The following TMEM178A variants were observed in gnomAD, a reference collection of about 807,000 sequenced individuals.
TMEM178A encodes the protein transmembrane protein 178.
Under a neutral mutation model 29.1 loss-of-function variants are expected in TMEM178A, and 12 were observed. The observed-to-expected ratio is 0.41, with a 90% confidence interval of 0.26 to 0.67. The LOEUF is 0.67. Ranked by LOEUF, TMEM178A falls within the 30% of genes least tolerant of loss-of-function variation. The probability of loss-of-function intolerance (pLI) is 0.29; values close to 1 mark genes in which losing one functional copy is unlikely to be tolerated. For missense variants in TMEM178A, 366 were observed against 419.1 expected, an observed-to-expected ratio of 0.87 and a Z score of 1.11; for synonymous variants, 210 against 187.2, an observed-to-expected ratio of 1.12 and a Z score of -0.99.
chr2:39,710,834 T>C (rs1672269467), intron 3 of TMEM178A, among the ~76,000 whole-genome samples: 1 of 152,232 alleles, frequency 6.6e-6, no homozygotes, highest in Non-Finnish European at 1.5e-5. Flanking sequence ...CCTGAACTTA[T>C]TAGCTAAACC....
At chr2:39,706,783 G>T (rs1457238156) in intron 2 of TMEM178A, among the ~76,000 whole-genome samples, 4 of 152,074 alleles carry the variant, frequency 2.6e-5, no homozygotes, top group Non-Finnish European at 5.9e-5. Flanking sequence ...TCTATCCTGG[G>T]CTTGTCCTCT....
At chr2:39,733,563 A>AAT in the TMEM178A span, among the ~76,000 whole-genome samples, 4 of 152,168 alleles carry the variant, frequency 2.6e-5, no homozygotes, top group Non-Finnish European at 5.9e-5. Flanking sequence ...CTAGTCTATC[A>AAT]AGGTGACATT....
At chr2:39,707,786 T>C (rs1558462400) in intron 3 of TMEM178A, among the ~76,000 whole-genome samples, 2 of 152,224 alleles carry the variant, frequency 1.3e-5, no homozygotes, top group Non-Finnish European at 2.9e-5. Flanking sequence ...TCTTTCATAC[T>C]GTGCCCCAAA....
At chr2:39,716,474 CA>C (rs1558467676) in intron 3 of TMEM178A, among the ~76,000 whole-genome samples, 1 of 151,916 alleles carries the variant, frequency 6.6e-6, no homozygotes, top group Non-Finnish European at 1.5e-5. Flanking sequence ...TGTGCCTTAA[CA>C]AAAAAGATTT....
chr2:39,714,657 AG>A (rs1228302676), intron 3 of TMEM178A, among the ~76,000 whole-genome samples: 2 of 152,244 alleles, frequency 1.3e-5, no homozygotes, highest in African/African-American at 4.8e-5. Flanking sequence ...CACTGAGAGC[AG>A]AGAGAAATCA....
At chr2:39,714,173 C>T (rs944264883) in intron 3 of TMEM178A, among the ~76,000 whole-genome samples, 7 of 152,030 alleles carry the variant, frequency 4.6e-5, no homozygotes, top group African/African-American at 1.7e-4. Context: ...TTCGAGAGCA[C>T]TTTGAAAGGA....
intron 1 of TMEM178A, among the ~76,000 whole-genome samples, chr2:39,696,355 G>C (rs1382215834): frequency 6.6e-6 from 1 of 152,182 alleles, no homozygotes; most frequent in Non-Finnish European, 1.5e-5. Flanking sequence ...CAGACTCCTG[G>C]TGTGTGGCAG....
downstream of TMEM178A, among the ~76,000 whole-genome samples, chr2:39,722,443 C>CAA (rs1672723652): frequency 6.6e-6 from 1 of 152,130 alleles, no homozygotes; most frequent in Non-Finnish European, 1.5e-5. Context: ...ATCAATGGCC[C>CAA]AAATGCTCCT....
At chr2:39,709,674 A>G (rs1381111572) in intron 3 of TMEM178A, among the ~76,000 whole-genome samples, 1 of 151,996 alleles carries the variant, frequency 6.6e-6, no homozygotes, top group Non-Finnish European at 1.5e-5. Context: ...CTCTCCCTTT[A>G]TTTAAGCCCC....
Position 39,717,280 on chromosome 2 carries a change from G to A in TMEM178A, c.*29G>A, listed in dbSNP as rs777636164. ...TCCTCACTGGGCCTGTCCACAGTGC[G>A]AGCGACTCCTGAGGGGAACAGCGCG... On this transcript the variant is annotated 3_prime_UTR_variant, in exon 4 of 4. Coordinates refer to ENST00000281961, the MANE Select transcript of TMEM178A (RefSeq NM_152390.3). The A allele has an allele frequency of 3.5e-5, 57 of 1,607,080 alleles. No individual in the cohort carries two copies. The highest frequency in any genetic ancestry group is 8.9e-5 in the South Asian group (8 of 90,206).
intron 1 of TMEM178A, among the ~76,000 whole-genome samples, chr2:39,677,069 T>A (rs1270867979): frequency 1.3e-5 from 2 of 152,176 alleles, no homozygotes; most frequent in African/African-American, 4.8e-5. Flanking sequence ...GATCAGAAGG[T>A]GCAGTTGCTA....
chr2:39,685,560 A>G lies in TMEM178A; in HGVS notation c.401-18521A>G, dbSNP rs146000208. Reference sequence around the variant, plus strand: ...AGGATTGAACTGAGTGAAAATTACAAGGTCTAATAGGTGAGGCTCTTCAGT... The same window carrying G: ...AGGATTGAACTGAGTGAAAATTACAGGGTCTAATAGGTGAGGCTCTTCAGT... On this transcript the variant is annotated intron_variant, in intron 1 of 3. Coordinates refer to ENST00000281961, the MANE Select transcript of TMEM178A (RefSeq NM_152390.3). Among the ~76,000 whole-genome samples, 274 of 152,296 alleles carry G rather than the reference A, an allele frequency of 1.8e-3. 1 individual carries two copies. Among genetic ancestry groups the G allele is most frequent in the African/African-American group, 6.4e-3 (268 of 41,570 alleles).
chr2:39,666,347 C>A lies in TMEM178A; in HGVS notation c.373C>A (p.Arg125=). The change falls in exon 1 of 4, where the codon CGG becomes AGG. Residue 125 remains arginine (R), a synonymous_variant. Coordinates refer to ENST00000281961, the MANE Select transcript of TMEM178A (RefSeq NM_152390.3). ...GAAGTGCTACTTCCTGGGCATCGAC[C>A]GGGACATCGACACCCTCATCCTGAA... ...WRKCYFLGID[R]DIDTLILKGI... The A allele has an allele frequency of 1.4e-6, 2 of 1,443,526 alleles. No homozygotes were observed. Among genetic ancestry groups the A allele is most frequent in the Non-Finnish European group, 1.8e-6 (2 of 1,096,988 alleles). The allele number at this position is 1,443,526 out of a possible 1,614,324, so 89.4% of individuals were successfully genotyped here.
chr2:39,733,134 C>G, the TMEM178A span, among the ~76,000 whole-genome samples: 1 of 152,152 alleles, frequency 6.6e-6, no homozygotes, highest in Non-Finnish European at 1.5e-5. Flanking sequence ...GATGGTTTGT[C>G]ACTGAGAAAG....
At chr2:39,716,124 T>C (rs1672523447) in intron 3 of TMEM178A, among the ~76,000 whole-genome samples, 3 of 152,212 alleles carry the variant, frequency 2.0e-5, no homozygotes, top group African/African-American at 7.2e-5. Context: ...ATTCTGATAC[T>C]TGATTGGGTG....
chr2:39,691,745 C>A (rs1186627724), intron 1 of TMEM178A, among the ~76,000 whole-genome samples: 1 of 151,826 alleles, frequency 6.6e-6, no homozygotes, highest in Non-Finnish European at 1.5e-5. Flanking sequence ...AAGAAGCAAC[C>A]TAAAGGTCCA....
intron 2 of TMEM178A, among the ~76,000 whole-genome samples, chr2:39,704,963 G>A (rs1671960512): frequency 6.6e-6 from 1 of 152,220 alleles, no homozygotes; most frequent in Non-Finnish European, 1.5e-5. Flanking sequence ...AAATCTCTCT[G>A]CGGATTAAAA....
chr2:39,677,962 G>GA (rs536468117), intron 1 of TMEM178A, among the ~76,000 whole-genome samples: 34 of 138,794 alleles, frequency 2.4e-4, no homozygotes, highest in East Asian at 6.2e-4. Flanking sequence ...GGTTCGACAA[G>GA]AAAAAAAAAA....
At chr2:39,696,716 C>T (rs1242736577) in intron 1 of TMEM178A, among the ~76,000 whole-genome samples, 4 of 152,108 alleles carry the variant, frequency 2.6e-5, no homozygotes, top group South Asian at 4.2e-4. Flanking sequence ...TATTTAACCT[C>T]GAGTAGGGGT....
Sources: allele counts gnomAD v4.1 joint callset (sites outside exome capture counted in the v4.1 genomes callset), GRCh38; gene constraint gnomAD v4.1.1; transcripts MANE v1.5; gene names NCBI Gene and HGNC (gene_info 2026-07-23, HGNC 2026-07-21).